Variants in MMAB observed in about 807,000 individuals in gnomAD.
MMAB encodes metabolism of cobalamin associated B.
Under a neutral mutation model 30.6 loss-of-function variants are expected in MMAB, and 17 were observed. The ratio of observed to expected loss-of-function variants is 0.56; its 90% CI spans 0.38 to 0.83. The LOEUF (loss-of-function observed/expected upper bound fraction) is 0.83, where lower values mean the gene tolerates loss of function less well. MMAB is among the 40% of genes least tolerant of loss of function. MMAB has a pLI of 0.00. For missense variants in MMAB, 311 were observed against 331.6 expected, an observed-to-expected ratio of 0.94 and a Z score of 0.48; for synonymous variants, 134 against 138.6, an observed-to-expected ratio of 0.97 and a Z score of 0.23.
At chr12:109,564,757 C>T (rs1049218956) in intron 4 of MMAB, 9 of 382,368 alleles carry the variant, frequency 2.4e-5, no homozygotes, top group Non-Finnish European at 4.5e-5. Flanking sequence ...CAGCTCACTG[C>T]AGCCTTGACC....
intron 1 of MMAB, 100 bp from the exon 2 acceptor site, chr12:109,571,810 G>T: frequency 1.1e-6 from 1 of 947,816 alleles, no homozygotes; most frequent in South Asian, 1.3e-5. Context: ...AACCTCAGAG[G>T]CAGCACTTAC....
At chr12:109,568,920 T>G (rs1031213136) in intron 2 of MMAB, 57 bp from the exon 3 acceptor site, 9 of 604,048 alleles carry the variant, frequency 1.5e-5, no homozygotes, top group African/African-American at 5.9e-5. Flanking sequence ...TGATATGCTG[T>G]TTTTTTTTTT....
rs201189970 is a variant in MMAB, at chr12:109,561,815, G to A, written c.386C>T (p.Ala129Val). 84 of 1,609,616 alleles carry A rather than the reference G, an allele frequency of 5.2e-5. No individual in the cohort carries two copies. Among genetic ancestry groups the A allele is most frequent in the African/African-American group, 4.7e-4 (35 of 74,956 alleles). The change falls in exon 5 of 9, where the codon GCG becomes GTG. Residue 129 changes from alanine to valine, a missense_variant. By Grantham distance (64) the Ala-to-Val change is moderately conservative. Coordinates refer to ENST00000545712, the MANE Select transcript of MMAB (RefSeq NM_052845.4). The surrounding 1 kb of genome is among the most constrained non-coding windows in gnomAD (Gnocchi z 5.3). ...CTLQDVGSAL[A>V]TPCSSAREAH... The stretch of plus-strand genomic sequence containing the variant: ...CTCCCGGGCCGAGGAGCATGGTGTC[G>A]CCAGGGCCGAGCCGACGTCCTGCAA...
rs757325398 is a variant in MMAB, at chr12:109,555,600, G to C, written c.*1428C>G. On this transcript the variant is annotated 3_prime_UTR_variant, in exon 9 of 9. Coordinates refer to ENST00000545712, the MANE Select transcript of MMAB (RefSeq NM_052845.4). The stretch of plus-strand genomic sequence containing the variant: ...TTTGCAAACACTGAGCACCGACTCC[G>C]TACCAGACCTGGTAGTGACGATGGG... 1.3e-5 allele frequency: 6 copies of C among 451,736 alleles called. No homozygotes were observed. Among genetic ancestry groups the C allele is most frequent in the African/African-American group, 1.0e-4 (5 of 49,708 alleles). 28.0% of individuals were successfully genotyped at this position (451,736 alleles called of 1,614,324 possible).
Position 109,555,104 on chromosome 12 carries a change from T to C in MMAB, c.*1924A>G, listed in dbSNP as rs1883915297. The stretch of plus-strand genomic sequence containing the variant: ...TACTCAAAAAGCTTTCCTTATCCTT[T>C]GGAGGCTGTGCTTTCCCATGGCTAG... On this transcript the variant is annotated 3_prime_UTR_variant, in exon 9 of 9. Coordinates refer to ENST00000545712, the MANE Select transcript of MMAB (RefSeq NM_052845.4). The C allele has an allele frequency of 2.2e-6, 1 of 454,008 alleles. No individual in the cohort carries two copies. Among genetic ancestry groups the C allele is most frequent in the Non-Finnish European group, 4.4e-6 (1 of 226,772 alleles). The allele number at this position is 454,008 out of a possible 1,614,324, so 28.1% of individuals were successfully genotyped here.
intron 3 of MMAB, chr12:109,567,187 G>T: frequency 2.6e-6 from 1 of 385,768 alleles, no homozygotes; most frequent in Non-Finnish European, 5.1e-6. Context: ...AAAAAAAAAA[G>T]AAGAGTGATA....
intron 4 of MMAB, chr12:109,564,860 G>A (rs771384311): frequency 2.9e-5 from 17 of 582,832 alleles, no homozygotes; most frequent in Non-Finnish European, 4.3e-5. Flanking sequence ...CAAATATTTT[G>A]TAGAGTCAGG....
rs771530065 is a variant in MMAB, at chr12:109,553,985, A to C, written c.*3043T>G. 3.0e-4 allele frequency: 138 copies of C among 453,988 alleles called. No homozygotes were observed. Among genetic ancestry groups the C allele is most frequent in the Non-Finnish European group, 5.4e-4 (123 of 226,802 alleles). 28.1% of individuals were successfully genotyped at this position (453,988 alleles called of 1,614,324 possible). A position where few individuals can be genotyped will look rare whatever the true frequency, so the allele number is the denominator to read the frequency against. On this transcript the variant is annotated 3_prime_UTR_variant, in exon 9 of 9. Transcript: ENST00000545712. ...AAACGCACATTAACGATAGCCATGA[A>C]ATATTAGTTAAGGGAAACTAGGTTG...
At position 109,554,464 on chromosome 12, in the gene MMAB, T is replaced by C. The variant is rs1222551904; in HGVS notation, c.*2564A>G. The C allele has an allele frequency of 2.6e-5, 12 of 453,938 alleles. No homozygotes were observed. The highest frequency in any genetic ancestry group is 4.0e-5 in the Non-Finnish European group (9 of 226,784). 28.1% of individuals were successfully genotyped at this position (453,938 alleles called of 1,614,324 possible). A position where few individuals can be genotyped will look rare whatever the true frequency, so the allele number is the denominator to read the frequency against. Reference sequence around the variant, plus strand: ...CCACAAACTCAGGGATCGAGTAGTATTTGTGTGCAATATTTTCCAAAATCA... The same window carrying C: ...CCACAAACTCAGGGATCGAGTAGTACTTGTGTGCAATATTTTCCAAAATCA... On this transcript the variant is annotated 3_prime_UTR_variant, in exon 9 of 9. Transcript: ENST00000545712.
intron 7 of MMAB, among the ~76,000 whole-genome samples, chr12:109,560,297 G>A (rs975473253): frequency 6.6e-6 from 1 of 152,110 alleles, no homozygotes; most frequent in African/African-American, 2.4e-5. Flanking sequence ...CCGTGACCAT[G>A]GTGTCATTTC....
At position 109,556,494 on chromosome 12, in the gene MMAB, G is replaced by T. The variant is rs566397984; in HGVS notation, c.*534C>A. 9 of 453,958 alleles carry T rather than the reference G, an allele frequency of 2.0e-5. No homozygotes were observed. The highest frequency in any genetic ancestry group is 4.0e-5 in the Non-Finnish European group (9 of 226,796). The allele number at this position is 453,958 out of a possible 1,614,324, so 28.1% of individuals were successfully genotyped here. ...TTTGGCGGTGATGGGTGGCTCAGAG[G>T]TGACTAAACTTCCAAATCTTGTCCG... On this transcript the variant is annotated 3_prime_UTR_variant, in exon 9 of 9. Coordinates refer to ENST00000545712, the MANE Select transcript of MMAB (RefSeq NM_052845.4).
At chr12:109,565,648 C>T (rs1438487681) in intron 3 of MMAB, among the ~76,000 whole-genome samples, 2 of 152,150 alleles carry the variant, frequency 1.3e-5, no homozygotes, top group African/African-American at 4.8e-5. Context: ...TGTTCAGGAG[C>T]GTGATATTCA....
chr12:109,561,493 G>A lies in MMAB; in HGVS notation c.446C>T (p.Pro149Leu). ...HLKYTTFKAGPILELEQWIDK... is the reference protein window; with the variant it reads ...HLKYTTFKAGLILELEQWIDK... ...GATCCACTGCTCCAGCTCCAGGATGGGCCCCGCCTTGAACGTGGTATACTC... is the reference window on the plus strand; with the variant it reads ...GATCCACTGCTCCAGCTCCAGGATGAGCCCCGCCTTGAACGTGGTATACTC... Residue 149 changes from proline (P) to leucine (L), a missense_variant, in exon 6 of 9, where the codon CCC (proline) becomes CTC (leucine). Physicochemically the swap from Pro to Leu is moderately conservative, Grantham distance 98 (BLOSUM62 -3). Transcript: ENST00000545712. This position sits in a 1 kb window ranked among gnomAD's most constrained non-coding sequence, Gnocchi z 5.3. 6.5e-7 allele frequency: 1 copy of A among 1,550,144 alleles called. No individual in the cohort carries two copies. Among genetic ancestry groups the A allele is most frequent in the Non-Finnish European group, 8.7e-7 (1 of 1,146,968 alleles).
intron 8 of MMAB, among the ~76,000 whole-genome samples, chr12:109,557,953 A>G (rs972219434): frequency 2.6e-5 from 4 of 152,222 alleles, no homozygotes; most frequent in Non-Finnish European, 5.9e-5. Context: ...GAAGGCGCTT[A>G]CGCTGTCAGC....
intron 7 of MMAB, among the ~76,000 whole-genome samples, chr12:109,560,134 G>T (rs935038783): frequency 6.6e-6 from 1 of 152,214 alleles, no homozygotes; most frequent in Non-Finnish European, 1.5e-5. Context: ...GCCAAAGCTT[G>T]TTCTGTTACC....
At chr12:109,571,455 T>C (rs1593005841) in intron 2 of MMAB, among the ~76,000 whole-genome samples, 194 bp downstream of exon 2, 2 of 152,192 alleles carry the variant, frequency 1.3e-5, no homozygotes, top group East Asian at 1.9e-4. Context: ...TTTCACCACA[T>C]TGGCCAGGCT....
At position 109,556,958 on chromosome 12, in the gene MMAB, A is replaced by T; in HGVS notation, c.*70T>A. On this transcript the variant is annotated 3_prime_UTR_variant, in exon 9 of 9. Transcript: ENST00000545712. ...TGAGCTCTTCAGGAACCAGGACCCC[A>T]GAAGGGCAAGCTCCTCTCTCCACGG... The T allele has an allele frequency of 9.3e-7, 1 of 1,078,310 alleles. No homozygotes were observed. The allele number at this position is 1,078,310 out of a possible 1,614,324, so 66.8% of individuals were successfully genotyped here.
Position 109,554,791 on chromosome 12 carries a change from G to A in MMAB, c.*2237C>T. 1 of 454,150 alleles carries A rather than the reference G, an allele frequency of 2.2e-6. No individual in the cohort carries two copies. Among genetic ancestry groups the A allele is most frequent in the Non-Finnish European group, 4.4e-6 (1 of 226,802 alleles). The allele number at this position is 454,150 out of a possible 1,614,324, so 28.1% of individuals were successfully genotyped here. On this transcript the variant is annotated 3_prime_UTR_variant, in exon 9 of 9. Coordinates refer to ENST00000545712, the MANE Select transcript of MMAB (RefSeq NM_052845.4). ...AGCTTTTGAAAGGCACTGCAGAAGA[G>A]CAAATGTTTTAAACACCCCATCCTT...
At chr12:109,567,460 C>T (rs1884475043) in intron 3 of MMAB, among the ~76,000 whole-genome samples, 1 of 152,142 alleles carries the variant, frequency 6.6e-6, no homozygotes, top group Non-Finnish European at 1.5e-5. Flanking sequence ...TTTCAGGATC[C>T]AGCACCTGAG....
Sources: gnomAD v4.1 joint callset for allele counts (sites outside exome capture counted in the v4.1 genomes callset) on GRCh38, gnomAD v4.1.1 for gene constraint, Gnocchi (gnomAD v3.1) non-coding constraint, MANE v1.5 for transcripts, NCBI Gene and HGNC (gene_info 2026-07-23, HGNC 2026-07-21) for gene names.